ZNF555: variants seen among roughly 807,000 people sequenced by gnomAD.
The protein encoded by ZNF555 is zinc finger protein 555.
Under a neutral mutation model 14.0 loss-of-function variants are expected in ZNF555, and 10 were observed. The ratio of observed to expected loss-of-function variants is 0.72; its 90% confidence interval spans 0.44 to 1.21. ZNF555 has a LOEUF of 1.21. ZNF555 is among the 50% of genes most tolerant of loss of function. The pLI is 0.00. For missense variants in ZNF555, 747 were observed against 762.0 expected (o/e 0.98, Z 0.23); for synonymous variants, 277 against 262.4 (o/e 1.06, Z -0.54).
chr19:2,842,541 A>C (rs1382481515), intron 1 of ZNF555, among the ~76,000 whole-genome samples: 1 of 152,158 alleles, frequency 6.6e-6, no homozygotes, highest in African/African-American at 2.4e-5. Flanking sequence ...TGTGGATTTG[A>C]AGACGTTTCT....
In ZNF555 at chr19:2,859,333, T is replaced by C. The variant is rs1227788047; in HGVS notation, c.*5381T>C. On this transcript the variant is annotated 3_prime_UTR_variant, in exon 4 of 4. Coordinates refer to ENST00000334241, the MANE Select transcript of ZNF555 (RefSeq NM_152791.5). The stretch of plus-strand genomic sequence containing the variant: ...AGCTTCCGGTGTGGTGGGTCCCGGA[T>C]ATCGCGTGGCTGTGGCAGGTAGACA... 6.6e-6 allele frequency: 1 copy of C among 152,212 alleles called. No homozygotes were observed. The highest frequency in any genetic ancestry group is 1.5e-5 in the Non-Finnish European group (1 of 68,098). 9.4% of individuals were successfully genotyped at this position (152,212 alleles called of 1,614,324 possible).
chr19:2,857,052 T>G lies in ZNF555; in HGVS notation c.*3100T>G, dbSNP rs949812457. The G allele has an allele frequency of 6.6e-6, 1 of 152,226 alleles. No homozygotes were observed. The highest frequency in any genetic ancestry group is 1.9e-4 in the East Asian group (1 of 5,202). The allele number at this position is 152,226 out of a possible 1,614,324, so 9.4% of individuals were successfully genotyped here. The stretch of plus-strand genomic sequence containing the variant: ...AAGCCCCAAAAGCCTATTTAAGTTT[T>G]CTCAGGTATCATTTCAACCTCTGAA... On this transcript the variant is annotated 3_prime_UTR_variant, in exon 4 of 4. Transcript: ENST00000334241.
chr19:2,841,479 T>C lies in ZNF555; in HGVS notation c.-94T>C. 1 of 1,533,178 alleles carries C rather than the reference T, an allele frequency of 6.5e-7. No individual in the cohort carries two copies. Among genetic ancestry groups the C allele is most frequent in the Non-Finnish European group, 8.8e-7 (1 of 1,134,946 alleles). 95.0% of individuals were successfully genotyped at this position (1,533,178 alleles called of 1,614,324 possible). ...CCCCTGGGACGGGACGCCTCTGTCC[T>C]AGCCGTGAGTGCCCCGCCTGCCCCT... On this transcript the variant is annotated 5_prime_UTR_variant, in exon 1 of 4. Coordinates refer to ENST00000334241, the MANE Select transcript of ZNF555 (RefSeq NM_152791.5).
rs1457683295 is a variant in ZNF555, at chr19:2,853,042, C to G, written c.977C>G (p.Ala326Gly). ...ECGEAFSYSS[A>G]FRRHMITHTG... ...GGGGAGGCCTTCAGTTATTCTTCGG[C>G]TTTTCGAAGACACATGATAACACAC... The change falls in exon 4 of 4, where the codon GCT becomes GGT. Residue 326 changes from alanine (A) to glycine (G), a missense_variant. Transcript: ENST00000334241. 6.2e-7 allele frequency: 1 copy of G among 1,614,204 alleles called. No individual in the cohort carries two copies. The highest frequency in any genetic ancestry group is 1.7e-5 in the Admixed American group (1 of 60,032).
chr19:2,859,140 TGCA>T lies in ZNF555; in HGVS notation c.*5189_*5191del, dbSNP rs2087709598. 6.6e-6 allele frequency: 1 copy of T among 152,266 alleles called. No individual in the cohort carries two copies. The highest frequency in any genetic ancestry group is 6.5e-5 in the Admixed American group (1 of 15,280). 9.4% of individuals were successfully genotyped at this position (152,266 alleles called of 1,614,324 possible). ...CCCGCCCGGCAGACTGTTCCCAGGATGCAACACGGGCTCGCGTCTAAAAGAGCT... is the reference window on the plus strand; with the variant it reads ...CCCGCCCGGCAGACTGTTCCCAGGATACACGGGCTCGCGTCTAAAAGAGCT... On this transcript the variant is annotated 3_prime_UTR_variant, in exon 4 of 4. Coordinates refer to ENST00000334241, the MANE Select transcript of ZNF555 (RefSeq NM_152791.5).
Position 2,856,681 on chromosome 19 carries a change from T to C in ZNF555, c.*2729T>C, listed in dbSNP as rs1330190110. 1 of 152,188 alleles carries C rather than the reference T, an allele frequency of 6.6e-6. No individual in the cohort carries two copies. The highest frequency in any genetic ancestry group is 1.5e-5 in the Non-Finnish European group (1 of 68,042). 9.4% of individuals were successfully genotyped at this position (152,188 alleles called of 1,614,324 possible). On this transcript the variant is annotated 3_prime_UTR_variant, in exon 4 of 4. Transcript: ENST00000334241. ...GGCTGTGGCTTGTATCAGAGGGTGTTTAAAAGGATTTACTATCAGATTTGG... is the reference window on the plus strand; with the variant it reads ...GGCTGTGGCTTGTATCAGAGGGTGTCTAAAAGGATTTACTATCAGATTTGG...
chr19:2,849,608 C>T (rs927445311), intron 1 of ZNF555, among the ~76,000 whole-genome samples: 1 of 151,554 alleles, frequency 6.6e-6, no homozygotes, highest in African/African-American at 2.4e-5. Flanking sequence ...CCTCAGCCTC[C>T]CAAGTAGCTG....
rs1568345254 is a variant in ZNF555, at chr19:2,853,473, C to T, written c.1408C>T (p.His470Tyr). The change falls in exon 4 of 4, where the codon CAT becomes TAT. Residue 470 changes from histidine to tyrosine, a missense_variant. Transcript: ENST00000334241. ...CAGCTTGTCTGCTTGCTTTCGAGAA[C>T]ATGTGAGAATGCACCCTGAAGACAA... ...AFSLSACFRE[H>Y]VRMHPEDKSY... 1 of 1,614,158 alleles carries T rather than the reference C, an allele frequency of 6.2e-7. No homozygotes were observed. The highest frequency in any genetic ancestry group is 8.5e-7 in the Non-Finnish European group (1 of 1,180,026).
At chr19:2,847,760 G>A (rs966299060) in intron 1 of ZNF555, among the ~76,000 whole-genome samples, 1 of 152,188 alleles carries the variant, frequency 6.6e-6, no homozygotes, top group Non-Finnish European at 1.5e-5. Flanking sequence ...TTACAAATAA[G>A]GTTATAGTCA....
intron 1 of ZNF555, among the ~76,000 whole-genome samples, chr19:2,846,246 G>A (rs2087581439): frequency 6.6e-6 from 1 of 152,216 alleles, no homozygotes; most frequent in Non-Finnish European, 1.5e-5. Context: ...CAGGAACTGG[G>A]GCCACTTGCT....
In ZNF555 at chr19:2,853,009, A is replaced by G; in HGVS notation, c.944A>G (p.Lys315Arg). 6.2e-7 allele frequency: 1 copy of G among 1,614,240 alleles called. No homozygotes were observed. ...SHTGEKPHKC[K>R]ECGEAFSYSS... ...ACTGGAGAGAAGCCACATAAATGTA[A>G]AGAATGTGGGGAGGCCTTCAGTTAT... is the stretch of plus-strand genomic sequence containing the variant. The change falls in exon 4 of 4, where the codon AAA becomes AGA. Residue 315 changes from lysine (K) to arginine (R), a missense_variant. Lys to Arg is a conservative substitution (Grantham distance 26). Coordinates refer to ENST00000334241, the MANE Select transcript of ZNF555 (RefSeq NM_152791.5).
At position 2,856,772 on chromosome 19, in the gene ZNF555, C is replaced by A. The variant is rs2087686586; in HGVS notation, c.*2820C>A. On this transcript the variant is annotated 3_prime_UTR_variant, in exon 4 of 4. Coordinates refer to ENST00000334241, the MANE Select transcript of ZNF555 (RefSeq NM_152791.5). ...GGCTTTGGTCTGGATTGGATGTTCT[C>A]AGGTCATGAATATAATTCTCTGGGA... 6.6e-6 allele frequency: 1 copy of A among 152,186 alleles called. No individual in the cohort carries two copies. Among genetic ancestry groups the A allele is most frequent in the Non-Finnish European group, 1.5e-5 (1 of 68,046 alleles). 9.4% of individuals were successfully genotyped at this position (152,186 alleles called of 1,614,324 possible).
At position 2,850,631 on chromosome 19, in the gene ZNF555, G is replaced by A. The variant is rs1195370352; in HGVS notation, c.48G>A (p.Glu16=). 1 of 1,614,062 alleles carries A rather than the reference G, an allele frequency of 6.2e-7. No individual in the cohort carries two copies. Reference sequence around the variant, plus strand: ...ATGTGGCTGTGGACTTCACCCTGGAGGAGTGGGCTTTGCTGGATTCTGCTC... The same window carrying A: ...ATGTGGCTGTGGACTTCACCCTGGAAGAGTGGGCTTTGCTGGATTCTGCTC... ...FEDVAVDFTL[E]EWALLDSAQR... is the part of the protein sequence containing the mutation. The change falls in exon 2 of 4, where the codon GAG becomes GAA. Residue 16 remains glutamate (E), a synonymous_variant. Coordinates refer to ENST00000334241, the MANE Select transcript of ZNF555 (RefSeq NM_152791.5).
rs1219103761 is a variant in ZNF555 at position 2,856,615 on chromosome 19, T to C, written c.*2663T>C. On this transcript the variant is annotated 3_prime_UTR_variant, in exon 4 of 4. Coordinates refer to ENST00000334241, the MANE Select transcript of ZNF555 (RefSeq NM_152791.5). ...GATCACACTGGTAGTCAAAGAAAAT[T>C]TGCTGTGTTGAGTTGAAGTTTGAAC... is the stretch of plus-strand genomic sequence containing the variant. 6.6e-6 allele frequency: 1 copy of C among 152,190 alleles called. No individual in the cohort carries two copies. The highest frequency in any genetic ancestry group is 2.4e-5 in the African/African-American group (1 of 41,444). The allele number at this position is 152,190 out of a possible 1,614,324, so 9.4% of individuals were successfully genotyped here. A position where few individuals can be genotyped will look rare whatever the true frequency, so the allele number is the denominator to read the frequency against.
In ZNF555 at chr19:2,857,574, TGTA is replaced by T. The variant is rs1471508444; in HGVS notation, c.*3625_*3627del. The T allele has an allele frequency of 2.0e-5, 3 of 152,208 alleles. No homozygotes were observed. Among genetic ancestry groups the T allele is most frequent in the East Asian group, 3.8e-4 (2 of 5,196 alleles). The allele number at this position is 152,208 out of a possible 1,614,324, so 9.4% of individuals were successfully genotyped here. A position where few individuals can be genotyped will look rare whatever the true frequency, so the allele number is the denominator to read the frequency against. On this transcript the variant is annotated 3_prime_UTR_variant, in exon 4 of 4. Transcript: ENST00000334241. ...GGGCTTAAGAGTGTTCTGTCATGAT[TGTA>T]GTGGTGAAAACAAGCATTTGCAAAA... is the stretch of plus-strand genomic sequence containing the variant.
Position 2,853,624 on chromosome 19 carries a change from C to T in ZNF555, c.1559C>T (p.Pro520Leu), listed in dbSNP as rs760359361. 3.7e-6 allele frequency: 6 copies of T among 1,605,260 alleles called. No homozygotes were observed. The highest frequency in any genetic ancestry group is 1.7e-5 in the Admixed American group (1 of 58,920). Residue 520 changes from proline (P) to leucine (L), a missense_variant, in exon 4 of 4, where the codon CCT becomes CTT. Physicochemically the swap from Pro to Leu is moderately conservative, Grantham distance 98. Transcript: ENST00000334241. ...CKQCGKAFSW[P>L]ELLQQHVRTH... ...CAGTGTGGGAAAGCTTTCAGTTGGCCTGAACTTTTGCAACAACATGTGAGA... is the reference window on the plus strand; with the variant it reads ...CAGTGTGGGAAAGCTTTCAGTTGGCTTGAACTTTTGCAACAACATGTGAGA...
intron 2 of ZNF555, 102 bp from the exon 3 acceptor site, chr19:2,851,366 A>T: frequency 1.1e-6 from 1 of 888,884 alleles, no homozygotes; most frequent in Non-Finnish European, 1.7e-6. Context: ...TACCTTTTTG[A>T]CCATTTTGTG....
In ZNF555 at chr19:2,852,830, A is replaced by G. The variant is rs1456764718; in HGVS notation, c.765A>G (p.Pro255=). The change falls in exon 4 of 4, where the codon CCA becomes CCG. Residue 255 remains proline (P), a synonymous_variant. Coordinates refer to ENST00000334241, the MANE Select transcript of ZNF555 (RefSeq NM_152791.5). ...SHLRSHTGEK[P]YKCKECGKAF... ...TCAGAAGTCACACCGGAGAGAAGCC[A>G]TATAAGTGTAAGGAATGTGGGAAAG... 1.9e-6 allele frequency: 3 copies of G among 1,614,200 alleles called. No homozygotes were observed. Among genetic ancestry groups the G allele is most frequent in the Middle Eastern group, 1.6e-4 (1 of 6,062 alleles).
chr19:2,852,781 A>G lies in ZNF555; in HGVS notation c.716A>G (p.Asp239Gly). The G allele has an allele frequency of 6.2e-7, 1 of 1,614,110 alleles. No individual in the cohort carries two copies. Among genetic ancestry groups the G allele is most frequent in the Non-Finnish European group, 8.5e-7 (1 of 1,179,988 alleles). The change falls in exon 4 of 4, where the codon GAC (aspartate) becomes GGC (glycine). Residue 239 changes from aspartate to glycine, a missense_variant. By Grantham distance (94) the Asp-to-Gly change is moderately conservative. Coordinates refer to ENST00000334241, the MANE Select transcript of ZNF555 (RefSeq NM_152791.5). ...AAGCAATGTGGGAAAGCCTTTATTG[A>G]CTTCTCAAGTCTTACTAGTCATCTC... Reference protein sequence around the residue: ...ECKQCGKAFIDFSSLTSHLRS... With the variant: ...ECKQCGKAFIGFSSLTSHLRS...
Sources: allele counts gnomAD v4.1 joint callset (sites outside exome capture counted in the v4.1 genomes callset), GRCh38; gene constraint gnomAD v4.1.1; transcripts MANE v1.5; gene names NCBI Gene and HGNC (gene_info 2026-07-23, HGNC 2026-07-21).